The following RARB variants were observed in gnomAD, a reference collection of about 807,000 sequenced individuals.
RARB encodes the protein retinoic acid receptor beta, also known as HBV-activated protein.
RARB carries 17 observed loss-of-function variants against 51.9 expected under a neutral mutation model. That is an observed-to-expected ratio of 0.33 (90% CI 0.22 to 0.49). The LOEUF (loss-of-function observed/expected upper bound fraction) is 0.49, where lower values mean the gene tolerates loss of function less well. RARB is among the 20% of genes least tolerant of loss of function. The probability of loss-of-function intolerance (pLI) is 0.99; values close to 1 mark genes in which losing one functional copy is unlikely to be tolerated. For missense variants in RARB, 369 were observed against 550.8 expected, an observed-to-expected ratio of 0.67 and a Z score of 3.30; for synonymous variants, 215 against 195.4, an observed-to-expected ratio of 1.10 and a Z score of -0.84.
rs572542921 is a variant in RARB, at chr3:24,992,888, C to A, written c.-379-67237C>A. Among the ~76,000 whole-genome samples, 4 of 152,228 alleles carry A rather than the reference C, an allele frequency of 2.6e-5. No individual in the cohort carries two copies. The South Asian group carries it at 8.3e-4, about 32-fold the overall frequency. ...TCAACATACAAATTTTGGGGGAACA[C>A]AGTTCAACCAATTGCATAGATTTAT... On this transcript the variant is annotated intron_variant, in intron 2 of 11. Transcript: ENST00000383772.
At chr3:25,008,313 A>G (rs186098516) in intron 2 of RARB, among the ~76,000 whole-genome samples, 43 of 152,098 alleles carry the variant, frequency 2.8e-4, no homozygotes, top group Non-Finnish European at 5.1e-4. Context: ...TTTCTCTCCT[A>G]TTTACCCATT....
At chr3:25,000,437 A>G (rs1297310450) in intron 2 of RARB, among the ~76,000 whole-genome samples, 1 of 152,136 alleles carries the variant, frequency 6.6e-6, no homozygotes, top group Non-Finnish European at 1.5e-5. Context: ...ACTTACAGAG[A>G]GAAATCCTCT....
chr3:25,524,570 A>G (rs1698552188), intron 3 of RARB, among the ~76,000 whole-genome samples: 1 of 151,794 alleles, frequency 6.6e-6, no homozygotes, highest in Non-Finnish European at 1.5e-5. Context: ...CAGACTGACA[A>G]GCTCCTTCAA....
chr3:25,247,846 G>A (rs935726031), intron 5 of RARB, among the ~76,000 whole-genome samples: 9 of 152,190 alleles, frequency 5.9e-5, no homozygotes, highest in African/African-American at 9.6e-5. Flanking sequence ...GAGGGAATGT[G>A]TATACTGTAG....
At chr3:24,832,874 C>T (rs1052534873) in intron 1 of RARB, among the ~76,000 whole-genome samples, 2 of 151,854 alleles carry the variant, frequency 1.3e-5, no homozygotes, top group African/African-American at 2.4e-5. Flanking sequence ...TAACACTTCC[C>T]TAAATCATGG....
chr3:25,174,286 A>G, exon 5 of RARB: 1 of 946,320 alleles, frequency 1.1e-6, no homozygotes. Flanking sequence ...TTTGGCCCAG[A>G]ACACAGCTCA....
chr3:24,899,333 G>C (rs770052103), intron 2 of RARB, among the ~76,000 whole-genome samples: 4 of 152,254 alleles, frequency 2.6e-5, no homozygotes, highest in Non-Finnish European at 5.9e-5. Flanking sequence ...GTATTCACAG[G>C]CTTGAGAACC....
rs1382624171 is a variant in RARB at position 25,193,996 on chromosome 3, G to A, written c.178+19421G>A. Among the ~76,000 whole-genome samples, 6 of 151,778 alleles carry A rather than the reference G, an allele frequency of 4.0e-5. No homozygotes were observed. The East Asian group carries it at 7.7e-4, about 20-fold the overall frequency. ...ACACTATTCACAATAGCCAAGATAC[G>A]GAAGCAGCCTAGGTGTCCATTAACT... On this transcript the variant is annotated intron_variant, in intron 5 of 11. Coordinates refer to the RARB transcript ENST00000383772.
At chr3:25,249,150 A>G (rs1303542131) in intron 5 of RARB, among the ~76,000 whole-genome samples, 2 of 151,900 alleles carry the variant, frequency 1.3e-5, no homozygotes, top group East Asian at 1.9e-4. Flanking sequence ...TAAAATTTTT[A>G]TCTGGTTTAT....
At chr3:25,260,987 C>T (rs1398822505) in intron 5 of RARB, among the ~76,000 whole-genome samples, 1 of 152,108 alleles carries the variant, frequency 6.6e-6, no homozygotes, top group African/African-American at 2.4e-5. Flanking sequence ...TTGGACAAGT[C>T]ACTTAACCTA....
At position 24,936,882 on chromosome 3, in the gene RARB, T is replaced by A. The variant is rs1484150628; in HGVS notation, c.-380+78130T>A. Among the ~76,000 whole-genome samples the A allele has an allele frequency of 7.2e-5, 11 of 152,336 alleles. 1 individual carries two copies. In the South Asian group the frequency reaches 1.7e-3, roughly 23 times the overall value. Reference sequence around the variant, plus strand: ...AGTGTACTTGAGAATGGTCTCCGGTTAATTAAATGCTCTGGAGTGTGTTTG... The same window carrying A: ...AGTGTACTTGAGAATGGTCTCCGGTAAATTAAATGCTCTGGAGTGTGTTTG... On this transcript the variant is annotated intron_variant, in intron 2 of 11. Transcript: ENST00000383772.
intron 5 of RARB, among the ~76,000 whole-genome samples, chr3:25,200,884 C>T (rs568972159): frequency 8.6e-4 from 131 of 152,292 alleles, no homozygotes; most frequent in Middle Eastern, 3.4e-3. Flanking sequence ...ATGATACCTC[C>T]AGCTTTGTTC....
intron 2 of RARB, among the ~76,000 whole-genome samples, chr3:24,897,530 T>C (rs1308511010): frequency 6.6e-6 from 1 of 152,150 alleles, no homozygotes; most frequent in Non-Finnish European, 1.5e-5. Flanking sequence ...CTGTAAACTA[T>C]AAAAGTATAG....
chr3:25,191,651 T>A (rs1362313038), intron 5 of RARB, among the ~76,000 whole-genome samples: 12 of 152,154 alleles, frequency 7.9e-5, no homozygotes, highest in Admixed American at 7.9e-4. Flanking sequence ...AATAACTAAG[T>A]AACTTGCATT....
At chr3:25,361,160 G>C (rs927585861) in intron 5 of RARB, among the ~76,000 whole-genome samples, 3 of 152,034 alleles carry the variant, frequency 2.0e-5, no homozygotes, top group South Asian at 2.1e-4. Context: ...CATATTTCTT[G>C]GACACTTTGT....
chr3:25,587,353 T>C (rs1415495893), intron 5 of RARB, among the ~76,000 whole-genome samples: 3 of 151,856 alleles, frequency 2.0e-5, no homozygotes, highest in Admixed American at 6.6e-5. Flanking sequence ...GAAATGTGCC[T>C]GGTGTGAAGT....
At chr3:25,538,336 A>G (rs190170856) in intron 3 of RARB, among the ~76,000 whole-genome samples, 4 of 152,346 alleles carry the variant, frequency 2.6e-5, no homozygotes, top group Admixed American at 2.0e-4. Context: ...TCAAAAGGAA[A>G]GGGATTGACT....
rs558289374 is a variant in RARB, at chr3:25,521,877, C to T, written c.448+20554C>T. Among the ~76,000 whole-genome samples the T allele has an allele frequency of 4.6e-4, 70 of 152,214 alleles. 1 individual carries two copies. The South Asian group carries it at 0.014, about 31-fold the overall frequency. On this transcript the variant is annotated intron_variant, in intron 3 of 7. Transcript: ENST00000330688. ...TTGAAAATCATATTTGCTTCCAGGA[C>T]ATAATTACAGTGAAACCTAATTCGT...
intron 2 of RARB, among the ~76,000 whole-genome samples, chr3:24,904,443 A>C (rs1694804927): frequency 6.6e-6 from 1 of 152,226 alleles, no homozygotes; most frequent in Non-Finnish European, 1.5e-5. Context: ...AGAGAAATGC[A>C]AATCAAAACC....
Sources: gnomAD v4.1 joint callset for allele counts (sites outside exome capture counted in the v4.1 genomes callset) on GRCh38, gnomAD v4.1.1 for gene constraint, MANE v1.5 for transcripts, NCBI Gene and HGNC (gene_info 2026-07-23, HGNC 2026-07-21) for gene names.